Variants in MINDY2 observed in about 807,000 individuals in gnomAD.
MINDY2 encodes the protein ubiquitin carboxyl-terminal hydrolase MINDY-2.
A neutral mutation model predicts 68.2 loss-of-function variants in MINDY2; 52 were observed. That is an observed-to-expected ratio of 0.76 (90% confidence interval 0.61 to 0.96). The LOEUF (loss-of-function observed/expected upper bound fraction) is 0.96, where lower values mean the gene tolerates loss of function less well. MINDY2 is among the 40% of genes least tolerant of loss of function. The pLI, the probability that MINDY2 is intolerant of heterozygous loss-of-function variation, is 0.00. For missense variants in MINDY2, 881 were observed against 773.4 expected (o/e 1.14, Z -1.65); for synonymous variants, 372 against 303.0 (o/e 1.23, Z -2.36).
In MINDY2 at chr15:58,771,335, A is replaced by T; in HGVS notation, c.-61A>T. ...TGCCAATACAGCTGTCATGGCGTCC[A>T]AGGCGCTGGCTGCGGAGAAGTGGCC... On this transcript the variant is annotated 5_prime_UTR_variant, in exon 1 of 9. An upstream open reading frame in the 5' UTR gains an earlier in-frame stop. Transcript: ENST00000559228. The T allele has an allele frequency of 6.4e-7, 1 of 1,550,572 alleles. No homozygotes were observed. The highest frequency in any genetic ancestry group is 8.7e-7 in the Non-Finnish European group (1 of 1,150,832).
At chr15:58,851,488 G>C (rs1380150609) in intron 7 of MINDY2, among the ~76,000 whole-genome samples, 1 of 150,396 alleles carries the variant, frequency 6.6e-6, no homozygotes, top group African/African-American at 2.4e-5. Context: ...ACCCATGCTG[G>C]GGTGCAGTGA....
chr15:58,813,431 G>GGCT (rs2030441329), intron 4 of MINDY2, among the ~76,000 whole-genome samples: 2 of 152,142 alleles, frequency 1.3e-5, no homozygotes, highest in African/African-American at 4.8e-5. Flanking sequence ...AAGAGGTGGC[G>GGCT]GCTGCAGTGA....
intron 1 of MINDY2, among the ~76,000 whole-genome samples, chr15:58,783,199 G>C (rs1022649956): frequency 1.3e-5 from 2 of 152,024 alleles, no homozygotes; most frequent in African/African-American, 2.4e-5. Flanking sequence ...GGGATTACAG[G>C]AGTGACCGAC....
At chr15:58,833,134 T>G (rs1401159596) in intron 6 of MINDY2, among the ~76,000 whole-genome samples, 1 of 152,208 alleles carries the variant, frequency 6.6e-6, no homozygotes, top group African/African-American at 2.4e-5. Context: ...ATACATAGAT[T>G]TCTTCAGTAG....
intron 2 of MINDY2, among the ~76,000 whole-genome samples, chr15:58,789,724 C>T (rs1403479627): frequency 2.6e-5 from 4 of 151,954 alleles, no homozygotes; most frequent in Admixed American, 2.0e-4. Context: ...CTCAGCTCAC[C>T]GCAACCTCCA....
chr15:58,791,152 C>G (rs1460208072), intron 2 of MINDY2, among the ~76,000 whole-genome samples: 5 of 140,214 alleles, frequency 3.6e-5, no homozygotes, highest in African/African-American at 1.3e-4. Flanking sequence ...TGCACTCCAG[C>G]CTGGACAACA....
At chr15:58,793,446 C>G (rs1367789824) in intron 2 of MINDY2, among the ~76,000 whole-genome samples, 1 of 151,530 alleles carries the variant, frequency 6.6e-6, no homozygotes, top group Non-Finnish European at 1.5e-5. Flanking sequence ...GAGAAACTGT[C>G]TCAAAAAATA....
chr15:58,861,551 G>A lies in MINDY2; in HGVS notation c.*6941G>A, dbSNP rs1350545191. 6.6e-6 allele frequency: 1 copy of A among 152,080 alleles called. No homozygotes were observed. The allele number at this position is 152,080 out of a possible 1,614,324, so 9.4% of individuals were successfully genotyped here. ...TACCTAAAACCATCTACCCAGCTTA[G>A]GGTTGAACTGAATTTCTGTGAAATA... On this transcript the variant is annotated 3_prime_UTR_variant, in exon 9 of 9. Transcript: ENST00000559228.
chr15:58,857,571 C>T lies in MINDY2; in HGVS notation c.*2961C>T, dbSNP rs1255252903. On this transcript the variant is annotated 3_prime_UTR_variant, in exon 9 of 9. Coordinates refer to ENST00000559228, the MANE Select transcript of MINDY2 (RefSeq NM_001040450.3). Reference sequence around the variant, plus strand: ...AAAAAAAAAATTAGAGCTATTGTGTCTTTATTTTCTTAAATTTTGCCCAAG... The same window carrying T: ...AAAAAAAAAATTAGAGCTATTGTGTTTTTATTTTCTTAAATTTTGCCCAAG... The T allele has an allele frequency of 2.8e-5, 4 of 144,420 alleles. No individual in the cohort carries two copies. Among genetic ancestry groups the T allele is most frequent in the Admixed American group, 6.9e-5 (1 of 14,478 alleles). 8.9% of individuals were successfully genotyped at this position (144,420 alleles called of 1,614,324 possible). A position where few individuals can be genotyped will look rare whatever the true frequency, so the allele number is the denominator to read the frequency against.
At chr15:58,805,458 G>A (rs926615842) in intron 3 of MINDY2, among the ~76,000 whole-genome samples, 2 of 152,170 alleles carry the variant, frequency 1.3e-5, no homozygotes, top group Non-Finnish European at 2.9e-5. Flanking sequence ...TGTACTGACA[G>A]CACAAGAAAA....
chr15:58,806,293 C>T (rs1434153733), intron 3 of MINDY2, among the ~76,000 whole-genome samples: 7 of 151,338 alleles, frequency 4.6e-5, no homozygotes, highest in Non-Finnish European at 7.4e-5. Flanking sequence ...ATGCTGGTCT[C>T]GAACTCCTGG....
At chr15:58,789,219 T>G (rs1182597193) in intron 2 of MINDY2, among the ~76,000 whole-genome samples, 1 of 151,944 alleles carries the variant, frequency 6.6e-6, no homozygotes, top group Non-Finnish European at 1.5e-5. Flanking sequence ...ACGCCTGATG[T>G]CCCAGCTACT....
chr15:58,853,819 T>TAAAAAAAA (rs10563818), intron 8 of MINDY2, among the ~76,000 whole-genome samples: 1 of 102,202 alleles, frequency 9.8e-6, no homozygotes, highest in Non-Finnish European at 1.9e-5. Context: ...TCCATCTCAA[T>TAAAAAAAA]AAAAAAAAAA....
chr15:58,793,903 G>A (rs1376133667), intron 2 of MINDY2, among the ~76,000 whole-genome samples: 1 of 152,078 alleles, frequency 6.6e-6, no homozygotes, highest in African/African-American at 2.4e-5. Context: ...GAGAGCTGTG[G>A]TATGATTTTT....
At chr15:58,846,920 GAA>G (rs544991141) in intron 6 of MINDY2, among the ~76,000 whole-genome samples, 1 of 148,956 alleles carries the variant, frequency 6.7e-6, no homozygotes, top group African/African-American at 2.5e-5. Flanking sequence ...GGCTTAATTG[GAA>G]AAAAAAACAG....
chr15:58,806,308 A>C (rs1170798989), intron 3 of MINDY2, among the ~76,000 whole-genome samples: 1 of 151,150 alleles, frequency 6.6e-6, no homozygotes, highest in Non-Finnish European at 1.5e-5. Context: ...TCCTGGCCTC[A>C]AGTGATCCAC....
chr15:58,790,085 C>A (rs535477515), intron 2 of MINDY2, among the ~76,000 whole-genome samples: 1 of 152,190 alleles, frequency 6.6e-6, no homozygotes, highest in African/African-American at 2.4e-5. Flanking sequence ...GGCAGGAAGA[C>A]CCTTTTTAGA....
At chr15:58,817,888 A>G (rs992338056) in intron 4 of MINDY2, among the ~76,000 whole-genome samples, 2 of 152,226 alleles carry the variant, frequency 1.3e-5, no homozygotes, top group African/African-American at 2.4e-5. Flanking sequence ...CTTAAGACTC[A>G]GCAATTTGGC....
At chr15:58,776,744 G>A (rs1226992619) in intron 1 of MINDY2, among the ~76,000 whole-genome samples, 3 of 152,086 alleles carry the variant, frequency 2.0e-5, no homozygotes, top group Admixed American at 6.5e-5. Flanking sequence ...GAGGTAGGCC[G>A]TGTGTGGTGG....
Sources: gnomAD v4.1 joint callset for allele counts (sites outside exome capture counted in the v4.1 genomes callset) on GRCh38, gnomAD v4.1.1 for gene constraint, MANE v1.5 for transcripts, NCBI Gene and HGNC (gene_info 2026-07-23, HGNC 2026-07-21) for gene names.